Variants in ZDHHC20 observed in about 807,000 individuals in gnomAD.
The protein encoded by ZDHHC20 is palmitoyltransferase ZDHHC20.
A neutral mutation model predicts 57.8 loss-of-function variants in ZDHHC20; 43 were observed. The observed-to-expected ratio is 0.74, with a 90% confidence interval of 0.58 to 0.96. The LOEUF is 0.96. ZDHHC20 is among the 40% of genes least tolerant of loss of function. The pLI, the probability that ZDHHC20 is intolerant of heterozygous loss-of-function variation, is 0.00. For synonymous variants in ZDHHC20, 157 were observed against 153.0 expected (o/e 1.03, Z -0.19); for missense variants, 391 against 441.1 (o/e 0.89, Z 1.02).
intron 7 of ZDHHC20, among the ~76,000 whole-genome samples, chr13:21,397,697 T>C (rs575284029): frequency 8.5e-5 from 13 of 152,218 alleles, no homozygotes; most frequent in Non-Finnish European, 1.8e-4. Context: ...TTAGTATCTT[T>C]AATATAAGAC....
intron 1 of ZDHHC20, among the ~76,000 whole-genome samples, chr13:21,443,035 T>G (rs950488009): frequency 3.9e-5 from 6 of 152,218 alleles, no homozygotes; most frequent in East Asian, 1.9e-4. Flanking sequence ...TACCAGTGCC[T>G]TCTTCTGTTA....
chr13:21,410,883 T>C (rs1332150642), intron 4 of ZDHHC20, among the ~76,000 whole-genome samples: 1 of 152,164 alleles, frequency 6.6e-6, no homozygotes, highest in Non-Finnish European at 1.5e-5. Context: ...TCTGTCTTGC[T>C]GGCGTGCCAG....
chr13:21,399,595 T>C (rs967399624), intron 7 of ZDHHC20, among the ~76,000 whole-genome samples: 1 of 152,172 alleles, frequency 6.6e-6, no homozygotes, highest in Non-Finnish European at 1.5e-5. Context: ...TATATTACTA[T>C]TTGTCCATGT....
chr13:21,389,710 C>A (rs976290191), intron 8 of ZDHHC20, among the ~76,000 whole-genome samples: 1 of 152,184 alleles, frequency 6.6e-6, no homozygotes, highest in Non-Finnish European at 1.5e-5. Flanking sequence ...AGTGTCCACA[C>A]CCTATCTAAA....
chr13:21,374,310 C>T lies in ZDHHC20; in HGVS notation c.*2386G>A. On this transcript the variant is annotated 3_prime_UTR_variant, in exon 13 of 13. Coordinates refer to ENST00000400590, the MANE Select transcript of ZDHHC20 (RefSeq NM_001330059.2). ...CACGATCTCGGCTCACTGCGACCTC[C>T]ACCTCCTGGGTTCAAGTGATTCTCC... 4.8e-6 allele frequency: 2 copies of T among 417,152 alleles called. No individual in the cohort carries two copies. Among genetic ancestry groups the T allele is most frequent in the South Asian group, 3.4e-5 (2 of 58,238 alleles). The allele number at this position is 417,152 out of a possible 1,614,324, so 25.8% of individuals were successfully genotyped here.
At chr13:21,379,915 A>G (rs896342020) in intron 11 of ZDHHC20, among the ~76,000 whole-genome samples, 1 of 147,614 alleles carries the variant, frequency 6.8e-6, no homozygotes, top group Non-Finnish European at 1.5e-5. Flanking sequence ...CCCGGGGTTC[A>G]CGCCATTCCC....
intron 1 of ZDHHC20, among the ~76,000 whole-genome samples, chr13:21,432,296 C>G (rs1882050061): frequency 6.6e-6 from 1 of 150,528 alleles, no homozygotes; most frequent in African/African-American, 2.4e-5. Flanking sequence ...TCCCAAGTAG[C>G]TGGGACTAAA....
chr13:21,383,075 A>G, intron 9 of ZDHHC20, 66 bp from the exon 10 acceptor site: 1 of 1,384,656 alleles, frequency 7.2e-7, no homozygotes, highest in Non-Finnish European at 1.0e-6. Flanking sequence ...CAAATTTAAC[A>G]CTCATTTTTC....
chr13:21,450,000 G>GA (rs1884293136), intron 1 of ZDHHC20, among the ~76,000 whole-genome samples: 1 of 152,070 alleles, frequency 6.6e-6, no homozygotes, highest in African/African-American at 2.4e-5. Flanking sequence ...GTTTAAAGGA[G>GA]TGTAACAGTT....
rs147542171 is a variant in ZDHHC20 at position 21,394,792 on chromosome 13, G to C, written c.595-2938C>G. 2.8e-3 allele frequency among the ~76,000 whole-genome samples: 421 copies of C among 152,238 alleles called. 1 individual carries two copies. The highest frequency in any genetic ancestry group is 4.5e-3 in the Admixed American group (69 of 15,284). ...ACTGAACAAAGGTGCCCAGCTAAGG[G>C]GGAAATCAAAAGCCAAAATTCATGA... On this transcript the variant is annotated intron_variant, in intron 7 of 12. Coordinates refer to ENST00000400590, the MANE Select transcript of ZDHHC20 (RefSeq NM_001330059.2).
intron 4 of ZDHHC20, 89 bp downstream of exon 4, chr13:21,413,563 T>C: frequency 8.0e-7 from 1 of 1,256,812 alleles, no homozygotes; most frequent in Non-Finnish European, 1.1e-6. Flanking sequence ...ATAGTATCCA[T>C]TTAATAGTCA....
At chr13:21,383,280 C>T (rs1022115415) in intron 9 of ZDHHC20, among the ~76,000 whole-genome samples, 3 of 152,138 alleles carry the variant, frequency 2.0e-5, no homozygotes, top group African/African-American at 7.2e-5. Context: ...GAGGGTTTTT[C>T]CTGTGCTGTT....
intron 1 of ZDHHC20, among the ~76,000 whole-genome samples, chr13:21,432,356 G>C (rs1882060320): frequency 6.8e-6 from 1 of 146,404 alleles, no homozygotes; most frequent in East Asian, 2.0e-4. Context: ...TTGAGACAGA[G>C]TCTCGCTCTG....
At position 21,372,821 on chromosome 13, in the gene ZDHHC20, A is replaced by G. The variant is rs1299290345; in HGVS notation, c.*3875T>C. 1 of 152,208 alleles carries G rather than the reference A, an allele frequency of 6.6e-6. No individual in the cohort carries two copies. The highest frequency in any genetic ancestry group is 1.5e-5 in the Non-Finnish European group (1 of 68,002). The allele number at this position is 152,208 out of a possible 1,614,324, so 9.4% of individuals were successfully genotyped here. A position where few individuals can be genotyped will look rare whatever the true frequency, so the allele number is the denominator to read the frequency against. Reference sequence around the variant, plus strand: ...TTTATATAAAAGCATATTAAAGCTCACTTTAAAATAGTGTCCATCTTTTCT... The same window carrying G: ...TTTATATAAAAGCATATTAAAGCTCGCTTTAAAATAGTGTCCATCTTTTCT... On this transcript the variant is annotated 3_prime_UTR_variant, in exon 13 of 13. Coordinates refer to ENST00000400590, the MANE Select transcript of ZDHHC20 (RefSeq NM_001330059.2).
chr13:21,391,693 G>A (rs1346886694), intron 8 of ZDHHC20, 29 bp downstream of exon 8: 1 of 1,581,424 alleles, frequency 6.3e-7, no homozygotes, highest in Non-Finnish European at 8.6e-7. Flanking sequence ...ATTGTCCTAA[G>A]TAATTATAAT....
chr13:21,408,545 A>G (rs933951053), intron 4 of ZDHHC20, among the ~76,000 whole-genome samples: 1 of 152,182 alleles, frequency 6.6e-6, no homozygotes, highest in Non-Finnish European at 1.5e-5. Context: ...TAAATATACA[A>G]TCATGTCATC....
At chr13:21,400,578 G>T in intron 6 of ZDHHC20, 85 bp from the exon 7 acceptor site, 1 of 1,405,752 alleles carries the variant, frequency 7.1e-7, no homozygotes, top group Non-Finnish European at 9.6e-7. Context: ...GGCTGCCAGG[G>T]GCTGGTGTGG....
chr13:21,440,303 A>G (rs1463540018), intron 1 of ZDHHC20, among the ~76,000 whole-genome samples: 1 of 152,062 alleles, frequency 6.6e-6, no homozygotes, highest in Non-Finnish European at 1.5e-5. Flanking sequence ...ATTATTTTAA[A>G]ATAAAAAGTT....
chr13:21,374,470 G>A lies in ZDHHC20; in HGVS notation c.*2226C>T, dbSNP rs763899509. ...GGCTAATCTCGAACCCCTGACCTCAGGTGATCCGCCAGCCTTGGCCTCCCA... is the reference window on the plus strand; with the variant it reads ...GGCTAATCTCGAACCCCTGACCTCAAGTGATCCGCCAGCCTTGGCCTCCCA... On this transcript the variant is annotated 3_prime_UTR_variant, in exon 13 of 13. Coordinates refer to ENST00000400590, the MANE Select transcript of ZDHHC20 (RefSeq NM_001330059.2). 4.6e-5 allele frequency: 21 copies of A among 454,472 alleles called. No homozygotes were observed. The highest frequency in any genetic ancestry group is 3.8e-4 in the Middle Eastern group (1 of 2,630). The allele number at this position is 454,472 out of a possible 1,614,324, so 28.2% of individuals were successfully genotyped here. A position where few individuals can be genotyped will look rare whatever the true frequency, so the allele number is the denominator to read the frequency against.
Sources: allele counts gnomAD v4.1 joint callset (sites outside exome capture counted in the v4.1 genomes callset), GRCh38; gene constraint gnomAD v4.1.1; transcripts MANE v1.5; gene names NCBI Gene and HGNC (gene_info 2026-07-23, HGNC 2026-07-21).